The following DACH1 variants were observed in gnomAD, a reference collection of about 807,000 sequenced individuals.
DACH1 encodes the protein dachshund homolog 1.
DACH1 carries 12 observed loss-of-function variants against 54.2 expected under a neutral mutation model. That is an observed-to-expected ratio of 0.22 (90% CI 0.14 to 0.36). The LOEUF is 0.36. Ranked by LOEUF, DACH1 falls within the 10% of genes least tolerant of loss-of-function variation. The probability of loss-of-function intolerance (pLI) is 1.00; values close to 1 mark genes in which losing one functional copy is unlikely to be tolerated. For missense variants in DACH1, 805 were observed against 929.8 expected (o/e 0.87, Z 1.75); for synonymous variants, 386 against 366.2 (o/e 1.05, Z -0.62).
At chr13:71,647,247 A>G (rs2138613182) in intron 2 of DACH1, among the ~76,000 whole-genome samples, 1 of 152,332 alleles carries the variant, frequency 6.6e-6, no homozygotes, top group East Asian at 1.9e-4. Context: ...GCTGGAAGGG[A>G]ACTAGACAGC....
At chr13:71,775,462 C>T (rs1483487538) in intron 1 of DACH1, among the ~76,000 whole-genome samples, 1 of 151,962 alleles carries the variant, frequency 6.6e-6, no homozygotes, top group African/African-American at 2.4e-5. Flanking sequence ...TGTCTTAGTA[C>T]AATCGCAAAA....
At position 71,450,528 on chromosome 13, in the gene DACH1, G is replaced by T. The variant is rs536375736; in HGVS notation, c.2084-9836C>A. Among the ~76,000 whole-genome samples the T allele has an allele frequency of 7.2e-5, 11 of 152,002 alleles. No homozygotes were observed. The South Asian group carries it at 2.3e-3, about 32-fold the overall frequency. On this transcript the variant is annotated intron_variant, in intron 10 of 10. Coordinates refer to ENST00000613252, the MANE Select transcript of DACH1 (RefSeq NM_080759.6). ...TGAATCACAACAATATTGAAATTAC[G>T]TCAATTAATAATCTTACCATGGTCT...
At chr13:71,657,633 A>G (rs187639939) in intron 2 of DACH1, among the ~76,000 whole-genome samples, 15 of 151,904 alleles carry the variant, frequency 9.9e-5, no homozygotes, top group Admixed American at 2.6e-4. Context: ...TCTGGTGCTC[A>G]TTTGACTTTC....
chr13:71,739,478 T>C (rs754125063), intron 1 of DACH1, among the ~76,000 whole-genome samples: 3 of 152,232 alleles, frequency 2.0e-5, no homozygotes, highest in Non-Finnish European at 4.4e-5. Flanking sequence ...TTCAAGTTAT[T>C]ATGTTTCAAT....
At chr13:71,651,740 G>A (rs1030973455) in intron 2 of DACH1, among the ~76,000 whole-genome samples, 5 of 151,790 alleles carry the variant, frequency 3.3e-5, no homozygotes, top group Non-Finnish European at 5.9e-5. Flanking sequence ...ATATATATGT[G>A]TGCATATACA....
At chr13:71,766,620 C>G (rs140445158) in intron 1 of DACH1, among the ~76,000 whole-genome samples, 2 of 152,224 alleles carry the variant, frequency 1.3e-5, no homozygotes, top group African/African-American at 4.8e-5. Context: ...AGTCAGTAGA[C>G]TGCCAACAAT....
Position 71,657,187 on chromosome 13 carries a change from G to A in DACH1, c.964+24608C>T, listed in dbSNP as rs191702122. Among the ~76,000 whole-genome samples the A allele has an allele frequency of 4.8e-3, 724 of 151,534 alleles. 29 individuals carry two copies. Among genetic ancestry groups the A allele is most frequent in the Non-Finnish European group, 1.2e-3 (82 of 67,842 alleles). On this transcript the variant is annotated intron_variant, in intron 2 of 10. Coordinates refer to ENST00000613252, the MANE Select transcript of DACH1 (RefSeq NM_080759.6). ...TTGCATGCACTGTATAGGATCTTGC[G>A]GAAAATAAATTACAGTATATAAAAT...
At chr13:71,554,482 AG>A (rs888014741) in intron 6 of DACH1, among the ~76,000 whole-genome samples, 40 of 152,276 alleles carry the variant, frequency 2.6e-4, no homozygotes, top group African/African-American at 9.4e-4. Context: ...AAGTACCATT[AG>A]TGATATAGTA....
At chr13:71,795,908 A>C (rs912526957) in intron 1 of DACH1, among the ~76,000 whole-genome samples, 1 of 152,184 alleles carries the variant, frequency 6.6e-6, no homozygotes, top group Non-Finnish European at 1.5e-5. Context: ...TAATTATCAG[A>C]ATGAATAATG....
intron 1 of DACH1, among the ~76,000 whole-genome samples, chr13:71,795,148 T>G (rs1886991214): frequency 6.6e-6 from 1 of 151,822 alleles, no homozygotes; most frequent in Non-Finnish European, 1.5e-5. Flanking sequence ...GATTTGCTTC[T>G]CCACTTAGGA....
chr13:71,621,324 T>C (rs1876219369), intron 3 of DACH1, among the ~76,000 whole-genome samples: 1 of 151,974 alleles, frequency 6.6e-6, no homozygotes, highest in Admixed American at 6.6e-5. Context: ...AGGGAAAAAG[T>C]CCCTGTCGCA....
At chr13:71,524,360 T>A (rs1394137635) in intron 6 of DACH1, among the ~76,000 whole-genome samples, 5 of 152,122 alleles carry the variant, frequency 3.3e-5, no homozygotes, top group Non-Finnish European at 7.4e-5. Flanking sequence ...ATATTTCAAT[T>A]AATACAGGAA....
At chr13:71,816,687 T>C (rs1223162256) in intron 1 of DACH1, among the ~76,000 whole-genome samples, 20 of 141,284 alleles carry the variant, frequency 1.4e-4, no homozygotes, top group Admixed American at 9.9e-4. Context: ...CATATATATA[T>C]ACACATATAT....
At chr13:71,782,770 C>T (rs1014705411) in intron 1 of DACH1, among the ~76,000 whole-genome samples, 1 of 152,058 alleles carries the variant, frequency 6.6e-6, no homozygotes, top group Non-Finnish European at 1.5e-5. Flanking sequence ...AATACTTATT[C>T]ATGACAGTTA....
chr13:71,797,296 G>A, intron 1 of DACH1, among the ~76,000 whole-genome samples: 1 of 151,792 alleles, frequency 6.6e-6, no homozygotes, highest in East Asian at 1.9e-4. Flanking sequence ...AAGAAAACGT[G>A]GTACTTGCAG....
At chr13:71,751,679 A>G (rs1447318941) in intron 1 of DACH1, among the ~76,000 whole-genome samples, 1 of 152,172 alleles carries the variant, frequency 6.6e-6, no homozygotes, top group Non-Finnish European at 1.5e-5. Context: ...GTAAATATGA[A>G]AGTAAAAAGT....
At chr13:71,719,310 T>C (rs1883125259) in intron 1 of DACH1, among the ~76,000 whole-genome samples, 1 of 152,292 alleles carries the variant, frequency 6.6e-6, no homozygotes, top group Admixed American at 6.5e-5. Context: ...ATAGAATGGC[T>C]TATTTAATCA....
intron 10 of DACH1, chr13:71,464,778 TTCA>T (rs1377342410): frequency 2.2e-6 from 1 of 450,478 alleles, no homozygotes; most frequent in East Asian, 7.0e-5. Flanking sequence ...ACTTAGAAAT[TTCA>T]TCAAGTGAGC....
At chr13:71,545,401 A>G (rs1034829691) in intron 6 of DACH1, among the ~76,000 whole-genome samples, 9 of 152,112 alleles carry the variant, frequency 5.9e-5, no homozygotes, top group African/African-American at 1.4e-4. Context: ...AGGTCAATAT[A>G]TAGCAAATTG....
Sources: gnomAD v4.1 joint callset for allele counts (sites outside exome capture counted in the v4.1 genomes callset) on GRCh38, gnomAD v4.1.1 for gene constraint, MANE v1.5 for transcripts, NCBI Gene and HGNC (gene_info 2026-07-23, HGNC 2026-07-21) for gene names.